The following RCC1L variants were observed in gnomAD, a reference collection of about 807,000 sequenced individuals.
The protein encoded by RCC1L is RCC1-like G exchanging factor-like protein.
RCC1L carries 46 observed loss-of-function variants against 58.6 expected under a neutral mutation model. The ratio of observed to expected loss-of-function variants is 0.79; its 90% CI spans 0.62 to 1.00. RCC1L has a LOEUF of 1.00. RCC1L is among the 50% of genes least tolerant of loss of function. The probability of loss-of-function intolerance (pLI) is 0.00; values close to 1 mark genes in which losing one functional copy is unlikely to be tolerated. For synonymous variants in RCC1L, 281 were observed against 262.9 expected (o/e 1.07, Z -0.67); for missense variants, 636 against 623.6 (o/e 1.02, Z -0.21).
intron 10 of RCC1L, among the ~76,000 whole-genome samples, chr7:75,047,083 A>G (rs1479543909): frequency 2.0e-5 from 3 of 151,592 alleles, no homozygotes; most frequent in Non-Finnish European, 4.4e-5. Context: ...TCAGCCCCCC[A>G]AGTAGCTGGG....
intron 10 of RCC1L, among the ~76,000 whole-genome samples, chr7:75,035,136 T>A (rs1805409371): frequency 6.6e-6 from 1 of 152,232 alleles, no homozygotes; most frequent in South Asian, 2.1e-4. Flanking sequence ...TTTCAAGTGA[T>A]TCTCGTGCCT....
intron 10 of RCC1L, among the ~76,000 whole-genome samples, chr7:75,048,084 T>C (rs1805788671): frequency 6.8e-6 from 1 of 147,130 alleles, no homozygotes; most frequent in African/African-American, 2.5e-5. Context: ...CTGGGCAACA[T>C]GGTGAAACCT....
intron 6 of RCC1L, among the ~76,000 whole-genome samples, chr7:75,059,067 C>T (rs1196927488): frequency 6.6e-6 from 1 of 150,622 alleles, no homozygotes; most frequent in African/African-American, 2.4e-5. Flanking sequence ...ATGGTACATG[C>T]CTGTAATCTC....
intron 6 of RCC1L, 77 bp from the exon 7 acceptor site, chr7:75,058,846 G>A (rs1806174107): frequency 3.2e-6 from 5 of 1,576,108 alleles, no homozygotes; most frequent in South Asian, 1.1e-5. Context: ...TATATGCCAA[G>A]TGCAGTTTTA....
intron 10 of RCC1L, 36 bp downstream of exon 10, chr7:75,052,675 A>G: frequency 1.3e-6 from 2 of 1,579,710 alleles, no homozygotes; most frequent in East Asian, 2.3e-5. Flanking sequence ...CTCTACTCTT[A>G]GCATCCATTC....
At chr7:75,057,914 CTG>C in intron 7 of RCC1L, 1 of 392,714 alleles carries the variant, frequency 2.5e-6, no homozygotes, top group Non-Finnish European at 4.9e-6. Context: ...TCCTAGCACT[CTG>C]GGAGGCGGAG....
chr7:75,032,011 CAA>C (rs1805318472), intron 10 of RCC1L, among the ~76,000 whole-genome samples: 2 of 152,226 alleles, frequency 1.3e-5, no homozygotes, highest in African/African-American at 4.8e-5. Context: ...GGTTAGAAAC[CAA>C]AGTGTTATTT....
At chr7:75,027,786 T>C in exon 11 of RCC1L, 1 of 553,912 alleles carries the variant, frequency 1.8e-6, no homozygotes. Flanking sequence ...TGGTTTATCT[T>C]CTCGGCGTTC....
intron 10 of RCC1L, chr7:75,028,107 T>G (rs1389441428): frequency 2.0e-6 from 3 of 1,484,858 alleles, no homozygotes; most frequent in African/African-American, 2.9e-5. Flanking sequence ...GGGCTCTCTA[T>G]GATGTGGAAT....
rs1164742756 is a variant in RCC1L, at chr7:75,056,737, C to T, written c.1058-663G>A. ...TGTGGCCATGTATCTACAGATAAAT[C>T]GCAGACTATTCGCTTTTTGTTAAGA... On this transcript the variant is annotated intron_variant, in intron 8 of 10. Transcript: ENST00000610322. 18 of 1,534,812 alleles carry T rather than the reference C, an allele frequency of 1.2e-5. No homozygotes were observed. The East Asian group carries it at 2.0e-4, about 17-fold the overall frequency.
chr7:75,035,700 T>TTA (rs1805418210), intron 10 of RCC1L, among the ~76,000 whole-genome samples: 1 of 151,870 alleles, frequency 6.6e-6, no homozygotes, highest in East Asian at 1.9e-4. Context: ...AAATGTTATA[T>TTA]TATATATTAA....
intron 10 of RCC1L, among the ~76,000 whole-genome samples, chr7:75,048,536 A>C (rs1805815863): frequency 6.6e-6 from 1 of 152,214 alleles, no homozygotes; most frequent in Non-Finnish European, 1.5e-5. Context: ...GTGGAGGGAG[A>C]AACCCCACCC....
At chr7:75,072,159 T>C (rs868989094) in intron 1 of RCC1L, among the ~76,000 whole-genome samples, 1 of 55,188 alleles carries the variant, frequency 1.8e-5, no homozygotes, top group Non-Finnish European at 3.9e-5. Flanking sequence ...CATATACATA[T>C]ACATATATAT....
At chr7:75,056,733 A>G in intron 8 of RCC1L, 1 of 1,535,202 alleles carries the variant, frequency 6.5e-7, no homozygotes, top group Non-Finnish European at 8.7e-7. Flanking sequence ...ATCTACAGAT[A>G]AATCGCAGAC....
In RCC1L at chr7:75,057,679, T is replaced by C. The variant is rs1806125442; in HGVS notation, c.970-63A>G. Reference sequence around the variant, plus strand: ...AGCCAGTAAGGACCGGGAAGTGTTCTGGTCTTAGGTACAGAGTAGCTGAGT... The same window carrying C: ...AGCCAGTAAGGACCGGGAAGTGTTCCGGTCTTAGGTACAGAGTAGCTGAGT... On this transcript the variant is annotated intron_variant, in intron 7 of 10. Coordinates refer to ENST00000610322, the MANE Select transcript of RCC1L (RefSeq NM_030798.5). 20 of 1,485,268 alleles carry C rather than the reference T, an allele frequency of 1.3e-5. No individual in the cohort carries two copies. The South Asian group carries it at 2.0e-4, about 15-fold the overall frequency. 92.0% of individuals were successfully genotyped at this position (1,485,268 alleles called of 1,614,324 possible).
At chr7:75,052,894 A>G (rs1379477603) in intron 9 of RCC1L, 98 bp from the exon 10 acceptor site, 16 of 1,100,900 alleles carry the variant, frequency 1.5e-5, no homozygotes, top group African/African-American at 1.2e-4. Flanking sequence ...AGAACCAGAT[A>G]CCTACAGAGC....
At chr7:75,059,514 C>T (rs967740006) in intron 6 of RCC1L, among the ~76,000 whole-genome samples, 3 of 152,056 alleles carry the variant, frequency 2.0e-5, no homozygotes, top group South Asian at 2.1e-4. Flanking sequence ...TCAGGTGATC[C>T]GCCTGCCTCA....
intron 4 of RCC1L, 104 bp downstream of exon 4, chr7:75,064,478 C>G: frequency 7.8e-7 from 1 of 1,284,810 alleles, no homozygotes; most frequent in Non-Finnish European, 1.1e-6. Flanking sequence ...GGCCCCCTCT[C>G]AGGCATGCCT....
intron 2 of RCC1L, among the ~76,000 whole-genome samples, chr7:75,069,930 A>G (rs1382452469): frequency 1.3e-5 from 2 of 152,166 alleles, no homozygotes; most frequent in Non-Finnish European, 2.9e-5. Flanking sequence ...TTAAAATGCC[A>G]TTATAAGTTA....
Sources: gnomAD v4.1 joint callset for allele counts (sites outside exome capture counted in the v4.1 genomes callset) on GRCh38, gnomAD v4.1.1 for gene constraint, MANE v1.5 for transcripts, NCBI Gene and HGNC (gene_info 2026-07-23, HGNC 2026-07-21) for gene names.